ADARB2: variants seen among roughly 807,000 people sequenced by gnomAD.
ADARB2 encodes inactive double-stranded RNA-specific editase B2.
In ADARB2, 25 loss-of-function variants were observed where a neutral mutation model predicts 62.2. The observed-to-expected ratio is 0.40, with a 90% CI of 0.29 to 0.56. ADARB2 has a LOEUF of 0.56. Among genes scored for constraint, ADARB2 ranks in the 20% least tolerant of loss-of-function variants. The probability of loss-of-function intolerance (pLI) is 0.43; values close to 1 mark genes in which losing one functional copy is unlikely to be tolerated. For missense variants in ADARB2, 1,071 were observed against 1,077.4 expected, an observed-to-expected ratio of 0.99 and a Z score of 0.08; for synonymous variants, 572 against 500.8, an observed-to-expected ratio of 1.14 and a Z score of -1.90.
chr10:1,187,710 T>G, intron 8 of ADARB2: 1 of 172,404 alleles, frequency 5.8e-6, no homozygotes, highest in Non-Finnish European at 1.3e-5. Context: ...AAGGCAGCTG[T>G]GAGGACGTGG....
chr10:1,562,243 G>A (rs1001714198), intron 1 of ADARB2, among the ~76,000 whole-genome samples: 1 of 151,504 alleles, frequency 6.6e-6, no homozygotes, highest in Non-Finnish European at 1.5e-5. Context: ...CCATTCTCCT[G>A]TGAGCGTGTT....
At chr10:1,444,223 C>T (rs1228614676) in intron 1 of ADARB2, among the ~76,000 whole-genome samples, 2 of 150,104 alleles carry the variant, frequency 1.3e-5, no homozygotes, top group Middle Eastern at 3.6e-3. Context: ...TCCATCTATC[C>T]ATCCATCCAC....
chr10:1,536,246 G>C (rs143414425), intron 1 of ADARB2, among the ~76,000 whole-genome samples: 1 of 152,302 alleles, frequency 6.6e-6, no homozygotes, highest in East Asian at 1.9e-4. Context: ...GAAAGAGACC[G>C]GGCTCTTGCT....
chr10:1,646,719 C>T (rs987931156), intron 1 of ADARB2, among the ~76,000 whole-genome samples: 1 of 152,244 alleles, frequency 6.6e-6, no homozygotes, highest in Non-Finnish European at 1.5e-5. Context: ...GCTCAGACAA[C>T]TCTCTCCCTT....
At chr10:1,464,358 C>G (rs77270405) in intron 1 of ADARB2, among the ~76,000 whole-genome samples, 697 of 34,500 alleles carry the variant, frequency 0.02, no homozygotes, top group Middle Eastern at 0.037. Context: ...CGCGCGGGGG[C>G]CAGTCACAGC....
chr10:1,560,529 C>T lies in ADARB2; in HGVS notation c.100+176522G>A, dbSNP rs1243707459. On this transcript the variant is annotated intron_variant, in intron 1 of 9. Transcript: ENST00000381312. ...GGGGGGCACCCTGGGTCGTCACACA[C>T]GCGTGAACACACGGGGGGCACCCTG... 4.2e-4 allele frequency among the ~76,000 whole-genome samples: 14 copies of T among 33,130 alleles called. 1 individual carries two copies. Among genetic ancestry groups the T allele is most frequent in the African/African-American group, 9.3e-4 (14 of 15,084 alleles). 21.7% of individuals were successfully genotyped at this position (33,130 alleles called of 152,430 possible).
intron 2 of ADARB2, among the ~76,000 whole-genome samples, chr10:1,366,042 A>T (rs1488207919): frequency 2.0e-5 from 3 of 152,222 alleles, no homozygotes; most frequent in Non-Finnish European, 4.4e-5. Flanking sequence ...TTATTATAAG[A>T]ACACCGACGT....
chr10:1,728,389 A>G (rs1357464235), intron 1 of ADARB2, among the ~76,000 whole-genome samples: 3 of 152,144 alleles, frequency 2.0e-5, no homozygotes, highest in African/African-American at 7.2e-5. Flanking sequence ...TCTCTACATG[A>G]TTTTTGTAAT....
At chr10:1,245,708 G>A (rs1182606868) in intron 4 of ADARB2, among the ~76,000 whole-genome samples, 1 of 152,184 alleles carries the variant, frequency 6.6e-6, no homozygotes, top group African/African-American at 2.4e-5. Flanking sequence ...TGGTGTATAT[G>A]TGCCACATTT....
chr10:1,310,236 C>T (rs977537573), intron 3 of ADARB2, among the ~76,000 whole-genome samples: 5 of 152,228 alleles, frequency 3.3e-5, no homozygotes, highest in Admixed American at 3.3e-4. Context: ...AGAGGTACAA[C>T]TTCTGACTTC....
intron 3 of ADARB2, among the ~76,000 whole-genome samples, chr10:1,298,704 C>T (rs983707862): frequency 7.2e-6 from 1 of 138,676 alleles, no homozygotes; most frequent in African/African-American, 2.7e-5. Context: ...TGCCGACTAT[C>T]CCATGTGCGA....
chr10:1,284,904 G>C (rs1435781965), intron 3 of ADARB2, among the ~76,000 whole-genome samples: 2 of 152,156 alleles, frequency 1.3e-5, no homozygotes, highest in Non-Finnish European at 2.9e-5. Flanking sequence ...TTCAGTCCTT[G>C]AGGGGTGACT....
chr10:1,425,002 A>G (rs1832882947), intron 1 of ADARB2, among the ~76,000 whole-genome samples: 1 of 152,224 alleles, frequency 6.6e-6, no homozygotes, highest in African/African-American at 2.4e-5. Context: ...AAAAAAGCTA[A>G]TCACCGTAAC....
chr10:1,458,426 C>T (rs1393757203), intron 1 of ADARB2, among the ~76,000 whole-genome samples: 1 of 152,138 alleles, frequency 6.6e-6, no homozygotes, highest in Non-Finnish European at 1.5e-5. Flanking sequence ...AATTAAGCTT[C>T]TTTGCATTTT....
intron 1 of ADARB2, among the ~76,000 whole-genome samples, chr10:1,725,093 T>C (rs528944184): frequency 6.6e-6 from 1 of 152,340 alleles, no homozygotes; most frequent in African/African-American, 2.4e-5. Flanking sequence ...ACTGAGCGCA[T>C]GGACCCTGCA....
intron 7 of ADARB2, among the ~76,000 whole-genome samples, chr10:1,202,025 T>A (rs1836993683): frequency 1.3e-5 from 2 of 152,154 alleles, no homozygotes; most frequent in South Asian, 4.1e-4. Context: ...AGTCAGAGAA[T>A]GGCAACAAAT....
intron 1 of ADARB2, among the ~76,000 whole-genome samples, chr10:1,693,849 TAATC>T (rs1352774126): frequency 6.6e-6 from 1 of 152,236 alleles, no homozygotes; most frequent in African/African-American, 2.4e-5. Flanking sequence ...TTCCTTTAAA[TAATC>T]AATTAGGGCA....
At chr10:1,570,967 T>C (rs1398769128) in intron 1 of ADARB2, among the ~76,000 whole-genome samples, 1 of 152,178 alleles carries the variant, frequency 6.6e-6, no homozygotes, top group Non-Finnish European at 1.5e-5. Flanking sequence ...GGCAAACACC[T>C]GCTGGGCTTT....
At chr10:1,463,489 G>C (rs1393325304) in intron 1 of ADARB2, among the ~76,000 whole-genome samples, 1 of 152,168 alleles carries the variant, frequency 6.6e-6, no homozygotes, top group Non-Finnish European at 1.5e-5. Flanking sequence ...TGGTTAACCC[G>C]GGCTTAAGAA....
Sources: allele counts gnomAD v4.1 joint callset (sites outside exome capture counted in the v4.1 genomes callset), GRCh38; gene constraint gnomAD v4.1.1; transcripts MANE v1.5; gene names NCBI Gene and HGNC (gene_info 2026-07-23, HGNC 2026-07-21).